Variants in TENM2 observed in about 807,000 individuals in gnomAD.
The protein encoded by TENM2 is teneurin transmembrane protein 2.
In TENM2, 52 loss-of-function variants were observed where a neutral mutation model predicts 245.2. The observed-to-expected ratio is 0.21, with a 90% confidence interval of 0.17 to 0.27. TENM2 has a LOEUF of 0.27. TENM2 is among the 10% of genes least tolerant of loss of function. The pLI is 1.00. For missense variants in TENM2, 3,046 were observed against 3,666.8 expected, an observed-to-expected ratio of 0.83 and a Z score of 4.37; for synonymous variants, 1,363 against 1,438.9, an observed-to-expected ratio of 0.95 and a Z score of 1.19.
chr5:167,617,119 C>G (rs1304917972), intron 2 of TENM2, among the ~76,000 whole-genome samples: 1 of 152,080 alleles, frequency 6.6e-6, no homozygotes, highest in African/African-American at 2.4e-5. Context: ...AGTGGGTGCC[C>G]TAGTTTTAAG....
intron 2 of TENM2, among the ~76,000 whole-genome samples, chr5:167,659,219 T>C (rs1755046547): frequency 6.6e-6 from 1 of 152,228 alleles, no homozygotes; most frequent in Admixed American, 6.5e-5. Context: ...CACATTTGCA[T>C]TTAAATTCCT....
chr5:168,130,959 T>G (rs1380807574), intron 12 of TENM2, among the ~76,000 whole-genome samples: 1 of 152,164 alleles, frequency 6.6e-6, no homozygotes, highest in Non-Finnish European at 1.5e-5. Context: ...GGAGGAACTA[T>G]AGAATGTGTG....
intron 3 of TENM2, among the ~76,000 whole-genome samples, chr5:167,895,000 A>AGGAT: frequency 9.0e-6 from 1 of 111,642 alleles, no homozygotes. Context: ...GAGGGAAGGA[A>AGGAT]GGAAGGAAGG....
Position 168,218,061 on chromosome 5 carries a change from C to T in TENM2, c.4234-64C>T, listed in dbSNP as rs1418733004. The T allele has an allele frequency of 2.6e-6, 4 of 1,528,332 alleles. No homozygotes were observed. The highest frequency in any genetic ancestry group is 2.5e-5 in the South Asian group (2 of 80,498). 94.7% of individuals were successfully genotyped at this position (1,528,332 alleles called of 1,614,324 possible). On this transcript the variant is annotated intron_variant, in intron 22 of 28. Coordinates refer to ENST00000518659, the Ensembl canonical transcript of TENM2. This position sits in a 1 kb window ranked among gnomAD's most constrained non-coding sequence, Gnocchi z 5.2. ...CCTAGATATATAAAACCAGTAAGTG[C>T]CGTACGGTTAAACGTTGGACATATT... is the stretch of plus-strand genomic sequence containing the variant.
rs113231936 is a variant in TENM2, at chr5:167,324,944, A to T, written c.226+39881A>T. Among the ~76,000 whole-genome samples the T allele has an allele frequency of 3.9e-3, 592 of 152,284 alleles. 4 individuals carry two copies. Among genetic ancestry groups the T allele is most frequent in the African/African-American group, 0.013 (527 of 41,562 alleles). The stretch of plus-strand genomic sequence containing the variant: ...AACCTGACCCAGAGTGGCACATTAC[A>T]AGAAACTGCCTCAGTCTTACTCAAG... On this transcript the variant is annotated intron_variant, in intron 1 of 28. Transcript: ENST00000518659.
At chr5:167,715,900 AT>A (rs1169134703) in intron 2 of TENM2, among the ~76,000 whole-genome samples, 3 of 152,332 alleles carry the variant, frequency 2.0e-5, no homozygotes, top group African/African-American at 4.8e-5. Context: ...AACAAATTAT[AT>A]TTTTTTAAGC....
chr5:168,077,672 A>T (rs1791601773), intron 7 of TENM2, among the ~76,000 whole-genome samples: 1 of 151,986 alleles, frequency 6.6e-6, no homozygotes, highest in African/African-American at 2.4e-5. Flanking sequence ...GTGAGAACAT[A>T]TGGTGTTTGG....
At chr5:168,173,062 G>A (rs1000624389) in intron 13 of TENM2, among the ~76,000 whole-genome samples, 1 of 152,068 alleles carries the variant, frequency 6.6e-6, no homozygotes, top group Non-Finnish European at 1.5e-5. Context: ...CTGTCCTCAG[G>A]GTATGTCATC....
chr5:167,417,228 T>C (rs1763217283), intron 2 of TENM2, among the ~76,000 whole-genome samples: 1 of 152,092 alleles, frequency 6.6e-6, no homozygotes, highest in Admixed American at 6.6e-5. Context: ...TATCTGGGAG[T>C]TATTTTTGAC....
At chr5:167,610,589 T>G (rs1023266741) in intron 2 of TENM2, among the ~76,000 whole-genome samples, 3 of 152,178 alleles carry the variant, frequency 2.0e-5, no homozygotes, top group African/African-American at 7.2e-5. Flanking sequence ...ATATATTACT[T>G]CTTATATCAT....
chr5:167,510,449 A>T (rs976930997), intron 2 of TENM2, among the ~76,000 whole-genome samples: 1 of 152,194 alleles, frequency 6.6e-6, no homozygotes, highest in African/African-American at 2.4e-5. Context: ...TGAAAATGCC[A>T]TTGCTCTTGG....
At chr5:166,984,652 G>T in the TENM2 span, among the ~76,000 whole-genome samples, 1 of 151,984 alleles carries the variant, frequency 6.6e-6, no homozygotes, top group Admixed American at 6.6e-5. Context: ...GTCAAGTTAG[G>T]TTCCTAGATT....
chr5:167,270,135 T>G, the TENM2 span, among the ~76,000 whole-genome samples: 98 of 152,288 alleles, frequency 6.4e-4, no homozygotes, highest in African/African-American at 2.2e-3. Context: ...TGGAACTGTT[T>G]CATGCAGCAA....
chr5:168,231,258 G>A (rs1470157454), intron 25 of TENM2, among the ~76,000 whole-genome samples: 1 of 152,240 alleles, frequency 6.6e-6, no homozygotes, highest in African/African-American at 2.4e-5. Context: ...ACGTAGCAGA[G>A]TGATCAGGTC....
At chr5:168,186,850 C>T (rs1319692810) in intron 13 of TENM2, 2 of 152,150 alleles carry the variant, frequency 1.3e-5, no homozygotes, top group African/African-American at 4.8e-5. Flanking sequence ...TTGTCAGTGA[C>T]AGGGTAATTT....
chr5:167,879,187 G>A (rs1246319867), intron 3 of TENM2, among the ~76,000 whole-genome samples: 1 of 152,160 alleles, frequency 6.6e-6, no homozygotes, highest in African/African-American at 2.4e-5. Context: ...TCACCTTTAT[G>A]GCTTGAGTGT....
the TENM2 span, among the ~76,000 whole-genome samples, chr5:167,272,208 C>G: frequency 2.4e-3 from 369 of 152,194 alleles, 1 homozygote; most frequent in African/African-American, 8.5e-3. Context: ...CCAATTGGTA[C>G]TTTAAATATT....
chr5:167,921,884 A>G (rs542377759), intron 3 of TENM2, among the ~76,000 whole-genome samples: 2 of 152,302 alleles, frequency 1.3e-5, no homozygotes, highest in East Asian at 3.9e-4. Context: ...AAATACAAAG[A>G]TGAAGGCTGA....
At chr5:167,207,314 A>G in the TENM2 span, among the ~76,000 whole-genome samples, 1 of 152,172 alleles carries the variant, frequency 6.6e-6, no homozygotes, top group Non-Finnish European at 1.5e-5. Flanking sequence ...CCCAAGCCCA[A>G]AGTGGGAAAG....
Sources: allele counts gnomAD v4.1 joint callset (sites outside exome capture counted in the v4.1 genomes callset), GRCh38; gene constraint gnomAD v4.1.1; non-coding constraint Gnocchi (gnomAD v3.1); transcripts MANE v1.5; gene names NCBI Gene and HGNC (gene_info 2026-07-23, HGNC 2026-07-21).